The following HTD2 variants were observed in gnomAD, a reference collection of about 807,000 sequenced individuals.
HTD2 encodes hydroxyacyl-thioester dehydratase type 2, mitochondrial.
Under a neutral mutation model 3.1 loss-of-function variants are expected in HTD2, and 1 was observed. That is an observed-to-expected ratio of 0.32 (90% CI 0.11 to 1.52). HTD2 has a LOEUF of 1.52. Among genes scored for constraint, HTD2 ranks in the 40% most tolerant of loss-of-function variants. The probability of loss-of-function intolerance (pLI) is 0.39; values close to 1 mark genes in which losing one functional copy is unlikely to be tolerated. For missense variants in HTD2, 150 were observed against 79.6 expected (o/e 1.88, Z -3.36); for synonymous variants, 50 against 28.9 (o/e 1.73, Z -2.34).
intron 2 of HTD2, among the ~76,000 whole-genome samples, chr3:58,312,723 G>A (rs2097483664): frequency 1.3e-5 from 2 of 152,054 alleles, no homozygotes. Context: ...CTCTTCGGGA[G>A]GCTGAGATGA....
At chr3:58,310,728 G>A (rs956208442) in intron 2 of HTD2, 137 bp downstream of exon 2, 14 of 643,224 alleles carry the variant, frequency 2.2e-5, no homozygotes, top group East Asian at 8.4e-5. Flanking sequence ...TCAAGAGATC[G>A]AGACCATCCT....
In HTD2 at chr3:58,319,504, A is replaced by T. The variant is rs918365332; in HGVS notation, c.*1384A>T. ...ACTGGCCCACAGTTAAACGTAACAG[A>T]CCAGTTTTTCAGGGTGTCAGCCAAC... On this transcript the variant is annotated 3_prime_UTR_variant, in exon 5 of 5. Transcript: ENST00000461393. 1.2e-4 allele frequency: 18 copies of T among 152,164 alleles called. No homozygotes were observed. The highest frequency in any genetic ancestry group is 4.1e-4 in the African/African-American group (17 of 41,430). The allele number at this position is 152,164 out of a possible 1,614,324, so 9.4% of individuals were successfully genotyped here.
chr3:58,313,100 A>G (rs1279886492), intron 2 of HTD2, among the ~76,000 whole-genome samples: 1 of 152,004 alleles, frequency 6.6e-6, no homozygotes, highest in Non-Finnish European at 1.5e-5. Context: ...TGTCTCTACT[A>G]AAAACACAAA....
chr3:58,310,227 A>C (rs533991298), intron 1 of HTD2: 19 of 1,100,948 alleles, frequency 1.7e-5, no homozygotes, highest in South Asian at 1.2e-4. Context: ...AACAAAAAAA[A>C]CCCAAATAGG....
intron 2 of HTD2, among the ~76,000 whole-genome samples, chr3:58,314,363 G>A (rs2097485931): frequency 6.6e-6 from 1 of 151,910 alleles, no homozygotes; most frequent in Non-Finnish European, 1.5e-5. Flanking sequence ...AAAAATAATA[G>A]TAATAATAAT....
At position 58,317,429 on chromosome 3, in the gene HTD2, T is replaced by A; in HGVS notation, c.-174-11T>A. The A allele has an allele frequency of 1.9e-6, 3 of 1,582,314 alleles. No individual in the cohort carries two copies. Among genetic ancestry groups the A allele is most frequent in the Non-Finnish European group, 2.6e-6 (3 of 1,154,046 alleles). ...TCTCCCAATGCCTTAACCTTTTTCTTTCTCTTCTAGGTTTCTCCATTTCTT... is the reference window on the plus strand; with the variant it reads ...TCTCCCAATGCCTTAACCTTTTTCTATCTCTTCTAGGTTTCTCCATTTCTT... On this transcript the variant is annotated splice_polypyrimidine_tract_variant and intron_variant, in intron 4 of 4. Coordinates refer to ENST00000461393, the MANE Select transcript of HTD2 (RefSeq NM_001348712.2).
At chr3:58,313,290 A>T (rs2097484480) in intron 2 of HTD2, among the ~76,000 whole-genome samples, 1 of 152,100 alleles carries the variant, frequency 6.6e-6, no homozygotes, top group South Asian at 2.1e-4. Context: ...AAAAAGATGA[A>T]CTGAACTAAA....
intron 2 of HTD2, among the ~76,000 whole-genome samples, chr3:58,311,624 CT>C (rs1336763272): frequency 1.1e-3 from 163 of 144,082 alleles, no homozygotes; most frequent in Admixed American, 1.5e-3. Context: ...ATATATACCA[CT>C]TTTTTTTTTT....
chr3:58,314,151 G>A (rs969791737), intron 2 of HTD2, among the ~76,000 whole-genome samples: 1 of 152,156 alleles, frequency 6.6e-6, no homozygotes, highest in Non-Finnish European at 1.5e-5. Flanking sequence ...AGGAGTTTGA[G>A]ACCATCCTGG....
Position 58,310,549 on chromosome 3 carries a change from C to A in HTD2, c.-373C>A. ...GAGTTGGACTGAATGCTGCACAGTTCAAACAGCTGCTTATTTCGGCTGTGA... is the reference window on the plus strand; with the variant it reads ...GAGTTGGACTGAATGCTGCACAGTTAAAACAGCTGCTTATTTCGGCTGTGA... On this transcript the variant is annotated 5_prime_UTR_variant, in exon 2 of 5. It introduces an in-frame stop codon into an upstream open reading frame of the 5' UTR. Transcript: ENST00000461393. 1.9e-6 allele frequency: 3 copies of A among 1,612,264 alleles called. No individual in the cohort carries two copies. Among genetic ancestry groups the A allele is most frequent in the South Asian group, 1.1e-5 (1 of 90,926 alleles).
chr3:58,309,040 C>T (rs1196987124), intron 1 of HTD2, among the ~76,000 whole-genome samples: 1 of 152,202 alleles, frequency 6.6e-6, no homozygotes, highest in Non-Finnish European at 1.5e-5. Flanking sequence ...TCTTCTCAAC[C>T]CCTGTGCTGT....
Position 58,317,871 on chromosome 3 carries a change from T to C in HTD2, c.258T>C (p.Val86=), listed in dbSNP as rs1374132358. The change falls in exon 5 of 5, where the codon GTT becomes GTC. Residue 86 remains valine (V), a synonymous_variant. Transcript: ENST00000461393. ...TKFGNTIVHG[V]LINGLISALL... ...TTGGAAATACAATTGTACATGGAGT[T>C]TTGATCAACGGACTTATCTCAGCTC... The C allele has an allele frequency of 2.8e-6, 2 of 703,034 alleles. No homozygotes were observed. The highest frequency in any genetic ancestry group is 5.2e-6 in the Non-Finnish European group (2 of 385,000). The allele number at this position is 703,034 out of a possible 1,614,324, so 43.5% of individuals were successfully genotyped here. A position where few individuals can be genotyped will look rare whatever the true frequency, so the allele number is the denominator to read the frequency against.
chr3:58,307,056 T>G (rs546336321), intron 1 of HTD2, among the ~76,000 whole-genome samples: 13 of 152,096 alleles, frequency 8.5e-5, no homozygotes, highest in Non-Finnish European at 1.6e-4. Context: ...TGGAGGAAGA[T>G]CTTTCCCAGC....
rs1189387059 is a variant in HTD2 at position 58,306,577 on chromosome 3, C to G, written c.-490C>G. On this transcript the variant is annotated 5_prime_UTR_variant, in exon 1 of 5. Transcript: ENST00000461393. ...GTACGGCGCCGCGTAGGGTCTCGGC[C>G]GCAGAACGTGGCCGAGAGGCCCGGG... The G allele has an allele frequency of 3.9e-5, 6 of 152,076 alleles. No individual in the cohort carries two copies. Among genetic ancestry groups the G allele is most frequent in the African/African-American group, 1.5e-4 (6 of 41,336 alleles). The allele number at this position is 152,076 out of a possible 1,614,324, so 9.4% of individuals were successfully genotyped here.
chr3:58,313,694 G>A (rs943994107), intron 2 of HTD2, among the ~76,000 whole-genome samples: 13 of 152,144 alleles, frequency 8.5e-5, no homozygotes, highest in African/African-American at 2.9e-4. Flanking sequence ...GTGTGGTGGT[G>A]TGCACTGATA....
intron 1 of HTD2, among the ~76,000 whole-genome samples, chr3:58,309,467 T>C (rs1435470644): frequency 6.6e-6 from 1 of 152,240 alleles, no homozygotes; most frequent in Non-Finnish European, 1.5e-5. Context: ...TTAGCCAAAA[T>C]TATGTTGTTA....
At chr3:58,316,120 A>G (rs1037803743) in intron 2 of HTD2, among the ~76,000 whole-genome samples, 1 of 152,270 alleles carries the variant, frequency 6.6e-6, no homozygotes, top group Non-Finnish European at 1.5e-5. Flanking sequence ...ACAAACAGAC[A>G]TGGCCTCTGC....
At position 58,318,368 on chromosome 3, in the gene HTD2, A is replaced by G. The variant is rs1203724759; in HGVS notation, c.*248A>G. 2 of 348,790 alleles carry G rather than the reference A, an allele frequency of 5.7e-6. No homozygotes were observed. The highest frequency in any genetic ancestry group is 1.0e-5 in the Non-Finnish European group (2 of 194,108). The allele number at this position is 348,790 out of a possible 1,614,324, so 21.6% of individuals were successfully genotyped here. On this transcript the variant is annotated 3_prime_UTR_variant, in exon 5 of 5. Transcript: ENST00000461393. ...TTGTTTGTTTTTTGTTTTTTAATTC[A>G]AGAAGTAGGCTGGGCCCGGTGGCTC...
chr3:58,312,944 G>A (rs1212918287), intron 2 of HTD2, among the ~76,000 whole-genome samples: 1 of 130,332 alleles, frequency 7.7e-6, no homozygotes, highest in Non-Finnish European at 1.6e-5. Context: ...CTGGGCAACA[G>A]AGCAAGACTC....
Sources: allele counts gnomAD v4.1 joint callset (sites outside exome capture counted in the v4.1 genomes callset), GRCh38; gene constraint gnomAD v4.1.1; transcripts MANE v1.5; gene names NCBI Gene and HGNC (gene_info 2026-07-23, HGNC 2026-07-21).